OXCT1: variants seen among roughly 807,000 people sequenced by gnomAD.
OXCT1 encodes 3-oxoacid CoA-transferase 1.
OXCT1 carries 27 observed loss-of-function variants against 69.6 expected under a neutral mutation model. That is an observed-to-expected ratio of 0.39 (90% CI 0.29 to 0.54). OXCT1 has a LOEUF of 0.54. Ranked by LOEUF, OXCT1 falls within the 20% of genes least tolerant of loss-of-function variation. The probability of loss-of-function intolerance (pLI) is 0.72; values close to 1 mark genes in which losing one functional copy is unlikely to be tolerated. For missense variants in OXCT1, 437 were observed against 650.2 expected (o/e 0.67, Z 3.57); for synonymous variants, 202 against 217.8 (o/e 0.93, Z 0.64).
intron 7 of OXCT1, among the ~76,000 whole-genome samples, chr5:41,834,029 T>C (rs946309970): frequency 6.7e-6 from 1 of 148,374 alleles, no homozygotes; most frequent in African/African-American, 2.5e-5. Context: ...AAGCATAGAG[T>C]TTGTATTAGT....
intron 13 of OXCT1, among the ~76,000 whole-genome samples, chr5:41,784,221 TTTGA>T: frequency 6.6e-6 from 1 of 152,332 alleles, no homozygotes; most frequent in East Asian, 1.9e-4. Context: ...CAAAGAATTC[TTTGA>T]TTGGTAGATT....
chr5:41,814,229 C>T (rs888408404), intron 7 of OXCT1, among the ~76,000 whole-genome samples: 7 of 152,058 alleles, frequency 4.6e-5, no homozygotes, highest in African/African-American at 1.7e-4. Context: ...AGAAAATGAT[C>T]TCTACTGGTT....
In OXCT1 at chr5:41,853,362, G is replaced by A. The variant is rs183838748; in HGVS notation, c.414+57C>T. 13 of 1,531,948 alleles carry A rather than the reference G, an allele frequency of 8.5e-6. No homozygotes were observed. In the Admixed American group the frequency reaches 1.3e-4, roughly 16 times the overall value. 94.9% of individuals were successfully genotyped at this position (1,531,948 alleles called of 1,614,324 possible). A position where few individuals can be genotyped will look rare whatever the true frequency, so the allele number is the denominator to read the frequency against. On this transcript the variant is annotated intron_variant, in intron 4 of 16. Transcript: ENST00000196371. ...TTTTGCACAAAGAAATTTCCACGGAGAAAAAAGGAATTTTTAAAGTAAGTT... is the reference window on the plus strand; with the variant it reads ...TTTTGCACAAAGAAATTTCCACGGAAAAAAAAGGAATTTTTAAAGTAAGTT...
intron 12 of OXCT1, 33 bp downstream of exon 12, chr5:41,794,644 G>A (rs750743488): frequency 1.9e-6 from 3 of 1,587,958 alleles, no homozygotes; most frequent in African/African-American, 2.7e-5. Context: ...ATTCCATACT[G>A]TCTGAAACAT....
intron 13 of OXCT1, among the ~76,000 whole-genome samples, chr5:41,765,744 G>A (rs1205916373): frequency 6.6e-6 from 1 of 152,036 alleles, no homozygotes; most frequent in Non-Finnish European, 1.5e-5. Context: ...ATTTTGCAGA[G>A]GTAAAACATG....
chr5:41,850,635 A>T (rs933154746), intron 4 of OXCT1, among the ~76,000 whole-genome samples: 2 of 152,312 alleles, frequency 1.3e-5, no homozygotes, highest in East Asian at 3.9e-4. Flanking sequence ...GCTTATTTTA[A>T]ACCATTTTCA....
intron 7 of OXCT1, among the ~76,000 whole-genome samples, chr5:41,814,003 T>C (rs954341909): frequency 6.6e-6 from 1 of 152,148 alleles, no homozygotes; most frequent in Non-Finnish European, 1.5e-5. Context: ...CATTATAGTA[T>C]CAATTTTTAG....
intron 1 of OXCT1, among the ~76,000 whole-genome samples, chr5:41,867,505 GCACACATAT>G (rs1173384335): frequency 4.6e-5 from 7 of 152,172 alleles, no homozygotes; most frequent in Admixed American, 4.6e-4. Context: ...TCAGAAAGAG[GCACACATAT>G]GACACTTGGT....
Position 41,870,228 on chromosome 5 carries a change from G to T in OXCT1, c.78+53C>A. ...AGAAGAAAACGCGGGCACCACTCAG[G>T]GTTTGGTCCACGTTCTTCCTGCCCA... is the stretch of plus-strand genomic sequence containing the variant. On this transcript the variant is annotated intron_variant, in intron 1 of 16. Transcript: ENST00000196371. This position sits in a 1 kb window ranked among gnomAD's most constrained non-coding sequence, Gnocchi z 4.2. 2 of 1,399,076 alleles carry T rather than the reference G, an allele frequency of 1.4e-6. No homozygotes were observed. Among genetic ancestry groups the T allele is most frequent in the Non-Finnish European group, 2.0e-6 (2 of 984,916 alleles). 86.7% of individuals were successfully genotyped at this position (1,399,076 alleles called of 1,614,324 possible).
At chr5:41,844,606 G>T (rs1040446823) in intron 5 of OXCT1, among the ~76,000 whole-genome samples, 6 of 151,824 alleles carry the variant, frequency 4.0e-5, no homozygotes, top group Non-Finnish European at 8.8e-5. Context: ...TGCCTCCAAA[G>T]TCTCTATCCT....
chr5:41,805,151 T>C (rs1483678289), intron 9 of OXCT1, among the ~76,000 whole-genome samples: 5 of 151,844 alleles, frequency 3.3e-5, no homozygotes, highest in Non-Finnish European at 5.9e-5. Context: ...AATAAAAGGG[T>C]TGTTAAGAAG....
At chr5:41,825,440 T>G (rs904665241) in intron 7 of OXCT1, among the ~76,000 whole-genome samples, 1 of 152,228 alleles carries the variant, frequency 6.6e-6, no homozygotes, top group South Asian at 2.1e-4. Flanking sequence ...TCTTAGGAAC[T>G]GTTAACTGTT....
At chr5:41,795,188 C>G (rs1746121734) in intron 11 of OXCT1, among the ~76,000 whole-genome samples, 1 of 152,082 alleles carries the variant, frequency 6.6e-6, no homozygotes, top group African/African-American at 2.4e-5. Context: ...ACAATGGGTT[C>G]AGTCGGGCTT....
intron 14 of OXCT1, among the ~76,000 whole-genome samples, chr5:41,757,149 C>T (rs894916018): frequency 6.6e-6 from 1 of 152,104 alleles, no homozygotes; most frequent in African/African-American, 2.4e-5. Context: ...AAAAAAATCA[C>T]TCTGGCCACT....
At chr5:41,830,892 C>T (rs1007956791) in intron 7 of OXCT1, among the ~76,000 whole-genome samples, 1 of 152,140 alleles carries the variant, frequency 6.6e-6, no homozygotes, top group Non-Finnish European at 1.5e-5. Context: ...AAGCATGATG[C>T]CCCAAATCTC....
intron 14 of OXCT1, among the ~76,000 whole-genome samples, chr5:41,750,826 G>A (rs147289458): frequency 3.2e-4 from 49 of 152,074 alleles, no homozygotes; most frequent in Non-Finnish European, 6.3e-4. Flanking sequence ...GCCAGTTCAG[G>A]GAATAAAAGA....
chr5:41,841,684 A>G (rs1161837102), intron 6 of OXCT1, among the ~76,000 whole-genome samples: 1 of 152,220 alleles, frequency 6.6e-6, no homozygotes, highest in Non-Finnish European at 1.5e-5. Flanking sequence ...GTTTGGTAGT[A>G]TACAATTTTG....
chr5:41,731,915 T>C, intron 16 of OXCT1, 145 bp from the exon 17 acceptor site: 1 of 1,039,360 alleles, frequency 9.6e-7, no homozygotes, highest in Admixed American at 2.1e-5. Context: ...TTTTCCATCC[T>C]GAAACATTGA....
chr5:41,757,676 A>G (rs1182229107), intron 14 of OXCT1, among the ~76,000 whole-genome samples: 1 of 152,130 alleles, frequency 6.6e-6, no homozygotes, highest in Non-Finnish European at 1.5e-5. Flanking sequence ...TCGAGAGGAC[A>G]GAAGGAACTA....
Sources: gnomAD v4.1 joint callset for allele counts (sites outside exome capture counted in the v4.1 genomes callset) on GRCh38, gnomAD v4.1.1 for gene constraint, Gnocchi (gnomAD v3.1) non-coding constraint, MANE v1.5 for transcripts, NCBI Gene and HGNC (gene_info 2026-07-23, HGNC 2026-07-21) for gene names.